ATR: variants seen among roughly 807,000 people sequenced by gnomAD.
The protein encoded by ATR is serine/threonine-protein kinase ATR.
In ATR, 142 loss-of-function variants were observed where a neutral mutation model predicts 305.3. The ratio of observed to expected loss-of-function variants is 0.47; its 90% CI spans 0.41 to 0.53. The LOEUF is 0.53. Ranked by LOEUF, ATR falls within the 20% of genes least tolerant of loss-of-function variation. The probability of loss-of-function intolerance (pLI) is 0.00; values close to 1 mark genes in which losing one functional copy is unlikely to be tolerated. For missense variants in ATR, 2,135 were observed against 3,133.1 expected, an observed-to-expected ratio of 0.68 and a Z score of 7.60; for synonymous variants, 1,050 against 1,068.1, an observed-to-expected ratio of 0.98 and a Z score of 0.33.
At chr3:142,536,481 TGA>T (rs985568550) in intron 19 of ATR, among the ~76,000 whole-genome samples, 6 of 152,228 alleles carry the variant, frequency 3.9e-5, no homozygotes, top group Admixed American at 6.6e-5. Flanking sequence ...CAAGCTGGGC[TGA>T]GTGTGTGACT....
At chr3:142,468,865 C>T (rs180964142) in intron 38 of ATR, among the ~76,000 whole-genome samples, 37 of 152,104 alleles carry the variant, frequency 2.4e-4, no homozygotes, top group Admixed American at 1.7e-3. Flanking sequence ...GGTGACACAC[C>T]GCTATCATCC....
chr3:142,465,436 A>G, intron 40 of ATR, 196 bp from the exon 41 acceptor site: 1 of 353,284 alleles, frequency 2.8e-6, no homozygotes, highest in Non-Finnish European at 5.0e-6. Context: ...GAACAGAAAC[A>G]TTTTCACCCA....
Position 142,459,247 on chromosome 3 carries a change from T to C in ATR, c.7329A>G (p.Thr2443=), listed in dbSNP as rs2070973057. Residue 2443 remains threonine, a synonymous_variant, in exon 43 of 47, where the codon ACA becomes ACG. Transcript: ENST00000350721. ...PPIFHEWFLR[T]FPDPTSWYSS... ...CTTACCATGATGTAGGATCAGGGAA[T>C]GTTCTCAGAAACCACTCATGAAAAA... 6.2e-7 allele frequency: 1 copy of C among 1,613,904 alleles called. No individual in the cohort carries two copies.
At chr3:142,519,882 A>G (rs2033069531) in intron 23 of ATR, 98 bp from the exon 24 acceptor site, 1 of 936,946 alleles carries the variant, frequency 1.1e-6, no homozygotes, top group Non-Finnish European at 1.8e-6. Context: ...AAATACAGCC[A>G]TAACTCATTT....
chr3:142,561,789 G>A (rs941031716), intron 4 of ATR, among the ~76,000 whole-genome samples: 4 of 152,224 alleles, frequency 2.6e-5, no homozygotes, highest in African/African-American at 9.6e-5. Flanking sequence ...CATCTCTGAT[G>A]ATTTTATTGT....
chr3:142,556,290 T>G, intron 9 of ATR, 93 bp downstream of exon 9: 1 of 1,492,992 alleles, frequency 6.7e-7, no homozygotes, highest in Non-Finnish European at 9.2e-7. Flanking sequence ...TTGCTTTACA[T>G]ATTCAACAAT....
At chr3:142,543,687 C>G (rs1405637556) in intron 16 of ATR, among the ~76,000 whole-genome samples, 2 of 150,660 alleles carry the variant, frequency 1.3e-5, no homozygotes, top group African/African-American at 2.4e-5. Flanking sequence ...TCTTTTCTTC[C>G]TCTCTCGACA....
chr3:142,562,388 C>G lies in ATR; in HGVS notation c.1014G>C (p.Lys338Asn), dbSNP rs1397558998. Reference protein sequence around the residue: ...MFEDGVLMRLKSDLLKAALCH... With the variant: ...MFEDGVLMRLNSDLLKAALCH... Reference sequence around the variant, plus strand: ...ACAAAGCTGCTTTTAGCAAATCAGACTTAAGCCGCATGAGCACACCGTCTT... The same window carrying G: ...ACAAAGCTGCTTTTAGCAAATCAGAGTTAAGCCGCATGAGCACACCGTCTT... The change falls in exon 4 of 47, where the codon AAG becomes AAC. Residue 338 changes from lysine (K) to asparagine (N), a missense_variant. Lys to Asn is a moderately conservative substitution (Grantham distance 94). Around this residue, in one of 9 missense-constraint regions of ATR, gnomAD observed 744 missense variants for 873.2 expected, o/e 0.85. Transcript: ENST00000350721. 6.2e-7 allele frequency: 1 copy of G among 1,614,128 alleles called. No homozygotes were observed. The highest frequency in any genetic ancestry group is 1.1e-5 in the South Asian group (1 of 91,084).
intron 36 of ATR, among the ~76,000 whole-genome samples, chr3:142,475,655 T>C (rs1414166741): frequency 1.3e-5 from 2 of 152,202 alleles, no homozygotes; most frequent in African/African-American, 4.8e-5. Flanking sequence ...TAGTTCTAGA[T>C]CCCCGAGGAA....
intron 13 of ATR, among the ~76,000 whole-genome samples, chr3:142,552,069 T>A (rs1478958433): frequency 2.0e-5 from 3 of 151,864 alleles, no homozygotes. Flanking sequence ...AAGCTCAACA[T>A]CACTGATCAA....
In ATR at chr3:142,493,124, A is replaced by C; in HGVS notation, c.6078+8T>G. 6.2e-7 allele frequency: 1 copy of C among 1,613,080 alleles called. No individual in the cohort carries two copies. Among genetic ancestry groups the C allele is most frequent in the Non-Finnish European group, 8.5e-7 (1 of 1,179,262 alleles). On this transcript the variant is annotated splice_region_variant and intron_variant, in intron 35 of 46. Coordinates refer to ENST00000350721, the MANE Select transcript of ATR (RefSeq NM_001184.4). ...AGTTAACTGAAACTGCATTATACAT[A>C]TACTTGCCTTATATTTTTTCATAAT...
At chr3:142,521,131 A>T (rs1391949022) in intron 23 of ATR, among the ~76,000 whole-genome samples, 1 of 152,228 alleles carries the variant, frequency 6.6e-6, no homozygotes, top group Non-Finnish European at 1.5e-5. Context: ...AAGTAAAAAA[A>T]ATTTAAAAAT....
chr3:142,517,348 AT>A (rs1465871502), intron 24 of ATR, among the ~76,000 whole-genome samples: 8 of 84,290 alleles, frequency 9.5e-5, no homozygotes, highest in African/African-American at 3.5e-4. Flanking sequence ...AAGAGCCCAA[AT>A]TAAAAAAAAA....
At chr3:142,450,784 T>C in intron 46 of ATR, 1 of 1,447,818 alleles carries the variant, frequency 6.9e-7, no homozygotes, top group East Asian at 2.6e-5. Flanking sequence ...TCACACTGCG[T>C]GGACAGAACA....
At chr3:142,495,454 T>C (rs1256554933) in intron 34 of ATR, among the ~76,000 whole-genome samples, 1 of 152,112 alleles carries the variant, frequency 6.6e-6, no homozygotes, top group Admixed American at 6.5e-5. Flanking sequence ...CCATTAAATC[T>C]GGGTTATTGG....
chr3:142,451,249 G>C, intron 46 of ATR: 2 of 1,201,684 alleles, frequency 1.7e-6, no homozygotes, highest in East Asian at 5.6e-5. Flanking sequence ...GCAAGCTCCA[G>C]CTGTGGGACT....
chr3:142,558,594 A>C (rs757679303), intron 8 of ATR, 30 bp downstream of exon 8: 8 of 1,584,100 alleles, frequency 5.1e-6, no homozygotes, highest in Admixed American at 1.7e-5. Context: ...AAATAAAACA[A>C]ACCACACACA....
intron 41 of ATR, among the ~76,000 whole-genome samples, chr3:142,462,556 C>T (rs1409295204): frequency 1.3e-5 from 2 of 151,886 alleles, no homozygotes; most frequent in East Asian, 1.9e-4. Context: ...GCAAACTCTG[C>T]CTCTCGGGTT....
chr3:142,544,621 CAA>C (rs71153972), intron 16 of ATR, among the ~76,000 whole-genome samples: 2,166 of 83,574 alleles, frequency 0.026, 36 homozygotes, highest in East Asian at 0.11. Context: ...AAGAAAGGAG[CAA>C]AAAAAAAAAA....
Sources: gnomAD v4.1 joint callset for allele counts (sites outside exome capture counted in the v4.1 genomes callset) on GRCh38, gnomAD v4.1.1 for gene constraint, gnomAD v4.1.1 regional missense constraint, MANE v1.5 for transcripts, NCBI Gene and HGNC (gene_info 2026-07-23, HGNC 2026-07-21) for gene names.